The following LRFN5 variants were observed in gnomAD, a reference collection of about 807,000 sequenced individuals.
LRFN5 encodes leucine-rich repeat and fibronectin type-III domain-containing protein 5.
LRFN5 carries 24 observed loss-of-function variants against 45.6 expected under a neutral mutation model. The observed-to-expected ratio is 0.53, with a 90% CI of 0.38 to 0.74. The LOEUF (loss-of-function observed/expected upper bound fraction) is 0.74. LRFN5 is among the 30% of genes least tolerant of loss of function. The probability of loss-of-function intolerance (pLI) is 0.00; values close to 1 mark genes in which losing one functional copy is unlikely to be tolerated. For synonymous variants in LRFN5, 340 were observed against 313.8 expected (o/e 1.08, Z -0.88); for missense variants, 776 against 861.5 (o/e 0.90, Z 1.24).
In LRFN5 at chr14:41,813,762, C is replaced by T. The variant is rs531364280; in HGVS notation, c.-21+46733C>T. 3.3e-5 allele frequency among the ~76,000 whole-genome samples: 5 copies of T among 152,304 alleles called. No homozygotes were observed. The South Asian group carries it at 8.3e-4, about 25-fold the overall frequency. The stretch of plus-strand genomic sequence containing the variant: ...TTCTAGTTCTAGATCCTTGAGGAAT[C>T]GCTACACTGTCTTCCACAATGGTTG... On this transcript the variant is annotated intron_variant, in intron 2 of 5. Transcript: ENST00000298119.
intron 1 of LRFN5, among the ~76,000 whole-genome samples, chr14:41,704,411 T>C (rs935651442): frequency 2.1e-5 from 2 of 93,858 alleles, no homozygotes; most frequent in Admixed American, 1.1e-4. Context: ...TATACTTTTC[T>C]CTCTCTCTCT....
At chr14:41,725,113 C>T (rs1859683399) in intron 1 of LRFN5, among the ~76,000 whole-genome samples, 1 of 152,096 alleles carries the variant, frequency 6.6e-6, no homozygotes, top group African/African-American at 2.4e-5. Flanking sequence ...GAGTTATTGG[C>T]CCATCGCCTT....
chr14:41,785,865 A>G (rs1319294290), intron 2 of LRFN5, among the ~76,000 whole-genome samples: 1 of 152,146 alleles, frequency 6.6e-6, no homozygotes, highest in Admixed American at 6.5e-5. Flanking sequence ...ATGAGAATCT[A>G]ACGCCATCTA....
At chr14:41,673,084 G>T (rs1485381700) in intron 1 of LRFN5, among the ~76,000 whole-genome samples, 2 of 151,856 alleles carry the variant, frequency 1.3e-5, no homozygotes, top group African/African-American at 4.8e-5. Context: ...TCTTAGTACA[G>T]AACAAAATGA....
intron 2 of LRFN5, among the ~76,000 whole-genome samples, chr14:41,789,819 A>G (rs1043721971): frequency 6.6e-6 from 1 of 151,972 alleles, no homozygotes; most frequent in African/African-American, 2.4e-5. Context: ...CCTGGGATAA[A>G]TGTTTATTGG....
Position 41,832,907 on chromosome 14 carries a change from A to T in LRFN5, c.-20-53699A>T, listed in dbSNP as rs75072974. Among the ~76,000 whole-genome samples, 1,475 of 152,232 alleles carry T rather than the reference A, an allele frequency of 9.7e-3. 19 individuals carry two copies. The highest frequency in any genetic ancestry group is 0.033 in the African/African-American group (1,380 of 41,544). ...TATGTAAGATGTTAGTTTTAACAGA[A>T]ACATTGTGGGAAGGGAAGTCAAATC... On this transcript the variant is annotated intron_variant, in intron 2 of 5. Coordinates refer to ENST00000298119, the MANE Select transcript of LRFN5 (RefSeq NM_152447.5).
chr14:41,794,803 T>A (rs936098806), intron 2 of LRFN5, among the ~76,000 whole-genome samples: 2 of 151,940 alleles, frequency 1.3e-5, no homozygotes, highest in Non-Finnish European at 2.9e-5. Context: ...TTGCAGCATA[T>A]AAAAAAATGC....
chr14:41,874,480 G>A (rs983523008), intron 2 of LRFN5, among the ~76,000 whole-genome samples: 2 of 152,254 alleles, frequency 1.3e-5, no homozygotes, highest in Non-Finnish European at 2.9e-5. Flanking sequence ...TAACTGAAAG[G>A]TAACAACTCT....
chr14:41,614,248 G>A (rs1407229814), intron 1 of LRFN5, among the ~76,000 whole-genome samples: 1 of 152,062 alleles, frequency 6.6e-6, no homozygotes, highest in Non-Finnish European at 1.5e-5. Flanking sequence ...AACACTACAT[G>A]AGTAGTGCAT....
At chr14:41,705,186 TA>T (rs60163571) in intron 1 of LRFN5, among the ~76,000 whole-genome samples, 34,443 of 149,640 alleles carry the variant, frequency 0.23, 4,094 homozygotes, top group Non-Finnish European at 0.28. Flanking sequence ...AATGCAAAAA[TA>T]AAAAAAAAAT....
chr14:41,694,301 AACTTCGTATCTTTTGACCAATAACTCCTC>A (rs1882505047), intron 1 of LRFN5, among the ~76,000 whole-genome samples: 1 of 151,922 alleles, frequency 6.6e-6, no homozygotes. Context: ...ATCTAGCTGA[AACTTCGTATCTTTTGACCAATAACTCCTC>A]AGTACGTTGC....
intron 1 of LRFN5, among the ~76,000 whole-genome samples, chr14:41,698,042 A>T (rs1232584539): frequency 6.6e-6 from 1 of 151,920 alleles, no homozygotes; most frequent in Non-Finnish European, 1.5e-5. Flanking sequence ...ATTGAACAGA[A>T]TCCTGCACAT....
intron 1 of LRFN5, among the ~76,000 whole-genome samples, chr14:41,614,564 C>T (rs574364195): frequency 5.8e-4 from 88 of 151,926 alleles, no homozygotes; most frequent in Admixed American, 2.4e-3. Flanking sequence ...TTTTGATGTT[C>T]TACGCTTTGT....
At chr14:41,796,766 C>T (rs1313176894) in intron 2 of LRFN5, among the ~76,000 whole-genome samples, 2 of 151,836 alleles carry the variant, frequency 1.3e-5, no homozygotes, top group Non-Finnish European at 2.9e-5. Flanking sequence ...CATTTTCGCC[C>T]ATCTGATGGT....
At chr14:41,673,350 C>A (rs1881338233) in intron 1 of LRFN5, among the ~76,000 whole-genome samples, 2 of 149,750 alleles carry the variant, frequency 1.3e-5, no homozygotes, top group African/African-American at 4.9e-5. Flanking sequence ...GGGGGCTGAC[C>A]CCCCACCTCC....
chr14:41,876,664 A>T (rs1302682977), intron 2 of LRFN5, among the ~76,000 whole-genome samples: 2 of 152,004 alleles, frequency 1.3e-5, no homozygotes, highest in African/African-American at 4.8e-5. Context: ...TCAGAGTCTC[A>T]CAAGAATGTG....
chr14:41,775,087 C>CTTTTTCT (rs1217565356), intron 2 of LRFN5, among the ~76,000 whole-genome samples: 25 of 60,896 alleles, frequency 4.1e-4, no homozygotes, highest in Middle Eastern at 0.011. Context: ...GCTACTTTTT[C>CTTTTTCT]TTTTTCTTTT....
chr14:41,889,442 C>G (rs369159598), intron 3 of LRFN5, among the ~76,000 whole-genome samples: 1 of 152,196 alleles, frequency 6.6e-6, no homozygotes, highest in South Asian at 2.1e-4. Context: ...GTAATTTGCT[C>G]TTGTCATACC....
At chr14:41,835,933 T>C (rs372684035) in intron 2 of LRFN5, among the ~76,000 whole-genome samples, 1 of 146,420 alleles carries the variant, frequency 6.8e-6, no homozygotes, top group Admixed American at 6.8e-5. Flanking sequence ...TCTTTTTTTT[T>C]AAAAAAAAAA....
Sources: allele counts gnomAD v4.1 joint callset (sites outside exome capture counted in the v4.1 genomes callset), GRCh38; gene constraint gnomAD v4.1.1; transcripts MANE v1.5; gene names NCBI Gene and HGNC (gene_info 2026-07-23, HGNC 2026-07-21).